The following DNAI3 variants were observed in gnomAD, a reference collection of about 807,000 sequenced individuals.
DNAI3 encodes the protein dynein axonemal intermediate chain 3.
Under a neutral mutation model 115.5 loss-of-function variants are expected in DNAI3, and 83 were observed. The ratio of observed to expected loss-of-function variants is 0.72; its 90% CI spans 0.60 to 0.86. The LOEUF (loss-of-function observed/expected upper bound fraction) is 0.86. Ranked by LOEUF, DNAI3 falls within the 40% of genes least tolerant of loss-of-function variation. DNAI3 has a pLI of 0.00. For synonymous variants in DNAI3, 320 were observed against 347.0 expected (o/e 0.92, Z 0.86); for missense variants, 1,004 against 1,075.8 (o/e 0.93, Z 0.93).
At chr1:85,079,434 G>A (rs1185897297) in intron 3 of DNAI3, among the ~76,000 whole-genome samples, 1 of 152,144 alleles carries the variant, frequency 6.6e-6, no homozygotes, top group Non-Finnish European at 1.5e-5. Context: ...CCCTGGGGTG[G>A]GGGAAAATAT....
At chr1:85,101,727 CAAAAAAA>C (rs72166976) in intron 13 of DNAI3, among the ~76,000 whole-genome samples, 88 of 14,430 alleles carry the variant, frequency 6.1e-3, no homozygotes, top group Middle Eastern at 0.14. Context: ...GACTCCATCT[CAAAAAAA>C]AAAAAAAAAA....
chr1:85,113,147 G>A (rs1655707353), intron 16 of DNAI3, among the ~76,000 whole-genome samples: 2 of 152,164 alleles, frequency 1.3e-5, no homozygotes, highest in Non-Finnish European at 2.9e-5. Flanking sequence ...CTAGTGATAT[G>A]TGATTTTTAA....
At chr1:85,118,041 G>T (rs1373642374) in intron 17 of DNAI3, among the ~76,000 whole-genome samples, 182 bp downstream of exon 17, 1 of 152,106 alleles carries the variant, frequency 6.6e-6, no homozygotes, top group Non-Finnish European at 1.5e-5. Context: ...CCTTTAAAAT[G>T]TTCCTGAACG....
At chr1:85,116,082 T>C (rs1655808687) in intron 16 of DNAI3, among the ~76,000 whole-genome samples, 1 of 152,210 alleles carries the variant, frequency 6.6e-6, no homozygotes, top group African/African-American at 2.4e-5. Flanking sequence ...CATTTCACCT[T>C]GCTGCCATCT....
intron 16 of DNAI3, among the ~76,000 whole-genome samples, chr1:85,111,900 A>G (rs1655670773): frequency 6.6e-6 from 1 of 152,108 alleles, no homozygotes; most frequent in African/African-American, 2.4e-5. Context: ...TAATGAACAT[A>G]TTCACCACTC....
chr1:85,070,782 G>C (rs1201351650), intron 1 of DNAI3, among the ~76,000 whole-genome samples: 1 of 152,154 alleles, frequency 6.6e-6, no homozygotes, highest in Non-Finnish European at 1.5e-5. Flanking sequence ...ATGTGGTTAA[G>C]ATTAAATTAA....
chr1:85,090,369 C>G (rs1654936392), intron 8 of DNAI3, 137 bp downstream of exon 8: 1 of 459,310 alleles, frequency 2.2e-6, no homozygotes, highest in Admixed American at 4.3e-5. Flanking sequence ...GTGACACATT[C>G]TACAGATTCT....
At chr1:85,088,249 C>T (rs1319498663) in intron 7 of DNAI3, among the ~76,000 whole-genome samples, 1 of 152,006 alleles carries the variant, frequency 6.6e-6, no homozygotes, top group Non-Finnish European at 1.5e-5. Flanking sequence ...AGTAGGTAGA[C>T]TCAGAATACA....
chr1:85,101,120 A>G (rs1655294993), intron 13 of DNAI3, among the ~76,000 whole-genome samples: 1 of 116,842 alleles, frequency 8.6e-6, no homozygotes, highest in Non-Finnish European at 1.8e-5. Context: ...CTTAAAGTAT[A>G]ATAATAATAA....
Position 85,093,446 on chromosome 1 carries a change from T to C in DNAI3, c.858-12T>C. 2 of 1,610,808 alleles carry C rather than the reference T, an allele frequency of 1.2e-6. No individual in the cohort carries two copies. Among genetic ancestry groups the C allele is most frequent in the Non-Finnish European group, 1.7e-6 (2 of 1,178,588 alleles). On this transcript the variant is annotated splice_polypyrimidine_tract_variant and intron_variant, in intron 8 of 22. Coordinates refer to ENST00000294664, the MANE Select transcript of DNAI3 (RefSeq NM_145172.5). ...CAATATCTTAATTGCTTTTTTTATT[T>C]TTACAAATTAGTGTTGAAATAGCCC... is the stretch of plus-strand genomic sequence containing the variant.
chr1:85,082,449 G>T (rs187603454), intron 5 of DNAI3, 45 bp downstream of exon 5: 2 of 1,516,236 alleles, frequency 1.3e-6, no homozygotes, highest in Non-Finnish European at 1.8e-6. Flanking sequence ...TTTTGTTGTG[G>T]TTGTGGTTGT....
At chr1:85,103,790 C>T (rs1278173051) in intron 13 of DNAI3, among the ~76,000 whole-genome samples, 1 of 151,218 alleles carries the variant, frequency 6.6e-6, no homozygotes, top group African/African-American at 2.4e-5. Context: ...AGGAGGCTGA[C>T]CCAGGAGAAT....
At chr1:85,109,279 C>T (rs776542256) in intron 15 of DNAI3, among the ~76,000 whole-genome samples, 12 of 152,140 alleles carry the variant, frequency 7.9e-5, no homozygotes, top group Non-Finnish European at 1.5e-4. Flanking sequence ...TAACTTAATA[C>T]TTTTCTTCTG....
chr1:85,129,110 T>A (rs1350321306), intron 21 of DNAI3, among the ~76,000 whole-genome samples: 1 of 152,136 alleles, frequency 6.6e-6, no homozygotes, highest in Non-Finnish European at 1.5e-5. Flanking sequence ...CTGATTTCAG[T>A]GATACCCTTC....
intron 16 of DNAI3, among the ~76,000 whole-genome samples, chr1:85,117,167 C>G (rs1655847532): frequency 1.3e-5 from 2 of 151,714 alleles, no homozygotes; most frequent in Non-Finnish European, 2.9e-5. Flanking sequence ...AGTAAGTTAC[C>G]TGGAAAAATG....
chr1:85,093,834 A>T, intron 9 of DNAI3, 186 bp downstream of exon 9: 2 of 721,426 alleles, frequency 2.8e-6, no homozygotes, highest in East Asian at 5.5e-5. Context: ...ACCCTGTAGG[A>T]TACACACCTG....
intron 8 of DNAI3, among the ~76,000 whole-genome samples, chr1:85,092,249 CAAG>C (rs1179437932): frequency 6.6e-6 from 1 of 152,110 alleles, no homozygotes; most frequent in African/African-American, 2.4e-5. Context: ...AGATGAAATA[CAAG>C]AAGAATTTAA....
chr1:85,072,008 A>G lies in DNAI3; in HGVS notation c.64+3A>G, dbSNP rs1654291376. The G allele has an allele frequency of 6.2e-7, 1 of 1,608,990 alleles. No homozygotes were observed. Among genetic ancestry groups the G allele is most frequent in the Non-Finnish European group, 8.5e-7 (1 of 1,178,722 alleles). On this transcript the variant is annotated splice_donor_region_variant and intron_variant, in intron 2 of 22. Transcript: ENST00000294664. ...AAGACTAAAACCAGTATTAGCTGGT[A>G]GGAATATTTCTTCATTGAATGGGAT...
chr1:85,127,261 ACCAACTATGAG>A lies in DNAI3; in HGVS notation c.2317+547_2317+557del, dbSNP rs1472406459. On this transcript the variant is annotated intron_variant, in intron 20 of 22. Coordinates refer to ENST00000294664, the MANE Select transcript of DNAI3 (RefSeq NM_145172.5). ...TATGTATTTAAGCTTTAACCTTTGA[ACCAACTATGAG>A]GAAAAACTACTATATAACAAAACAA... is the stretch of plus-strand genomic sequence containing the variant. 3.3e-5 allele frequency among the ~76,000 whole-genome samples: 5 copies of A among 152,318 alleles called. No homozygotes were observed. The East Asian group carries it at 9.6e-4, about 29-fold the overall frequency.
Sources: allele counts gnomAD v4.1 joint callset (sites outside exome capture counted in the v4.1 genomes callset), GRCh38; gene constraint gnomAD v4.1.1; transcripts MANE v1.5; gene names NCBI Gene and HGNC (gene_info 2026-07-23, HGNC 2026-07-21).